The following CCDC73 variants were observed in gnomAD, a reference collection of about 807,000 sequenced individuals.
The protein encoded by CCDC73 is coiled-coil domain containing 73, also known as coiled-coil domain-containing protein 73.
A neutral mutation model predicts 116.5 loss-of-function variants in CCDC73; 95 were observed. That is an observed-to-expected ratio of 0.82 (90% CI 0.69 to 0.97). CCDC73 has a LOEUF of 0.97. Ranked by LOEUF, CCDC73 falls within the 50% of genes least tolerant of loss-of-function variation. The pLI, the probability that CCDC73 is intolerant of heterozygous loss-of-function variation, is 0.00. For missense variants in CCDC73, 1,066 were observed against 1,206.8 expected (o/e 0.88, Z 1.73); for synonymous variants, 398 against 401.3 (o/e 0.99, Z 0.10).
chr11:32,724,159 GTTATTTACCACATA>G (rs1408917687), intron 2 of CCDC73, among the ~76,000 whole-genome samples: 5 of 151,924 alleles, frequency 3.3e-5, no homozygotes, highest in Admixed American at 2.0e-4. Context: ...GCTGCTTAAT[GTTATTTACCACATA>G]TTATACCATT....
At chr11:32,650,648 G>T (rs945052909) in intron 12 of CCDC73, among the ~76,000 whole-genome samples, 9 of 152,094 alleles carry the variant, frequency 5.9e-5, no homozygotes, top group African/African-American at 2.2e-4. Flanking sequence ...TAGGTGAAGG[G>T]ATTAAAAGAA....
Position 32,653,960 on chromosome 11 carries a change from T to G in CCDC73, c.834+18A>C, listed in dbSNP as rs761000914. 3 of 1,590,122 alleles carry G rather than the reference T, an allele frequency of 1.9e-6. No homozygotes were observed. Among genetic ancestry groups the G allele is most frequent in the East Asian group, 4.5e-5 (2 of 44,602 alleles). On this transcript the variant is annotated intron_variant, in intron 11 of 17. Coordinates refer to ENST00000335185, the MANE Select transcript of CCDC73 (RefSeq NM_001008391.4). Reference sequence around the variant, plus strand: ...TTTAGAATATTTACTGGCTTCCAAATAGCTTATGATTGCTTACCTGTTTTT... The same window carrying G: ...TTTAGAATATTTACTGGCTTCCAAAGAGCTTATGATTGCTTACCTGTTTTT...
chr11:32,698,011 ATTTTTTTTTTTTTT>A (rs869153507), intron 6 of CCDC73, among the ~76,000 whole-genome samples: 1 of 18,864 alleles, frequency 5.3e-5, no homozygotes, highest in Non-Finnish European at 1.1e-4. Flanking sequence ...CTAACACTGA[ATTTTTTTTTTTTTT>A]TTTTTTTTTT....
chr11:32,696,299 T>C (rs1206373780), intron 6 of CCDC73, among the ~76,000 whole-genome samples: 1 of 152,228 alleles, frequency 6.6e-6, no homozygotes, highest in Non-Finnish European at 1.5e-5. Flanking sequence ...ATAGGTATCA[T>C]TTAATGCATG....
the CCDC73 span, chr11:32,829,787 G>T: frequency 3.0e-6 from 3 of 985,226 alleles, no homozygotes; most frequent in South Asian, 1.4e-4. Context: ...CGGGGATGGG[G>T]CAGAAGCTGG....
chr11:32,646,008 T>C (rs893706733), intron 12 of CCDC73, among the ~76,000 whole-genome samples: 3 of 152,220 alleles, frequency 2.0e-5, no homozygotes, highest in Non-Finnish European at 4.4e-5. Flanking sequence ...TAACATACTG[T>C]ATTTTAGAAG....
At chr11:32,603,207 A>G in intron 17 of CCDC73, 187 bp from the exon 18 acceptor site, 1 of 501,930 alleles carries the variant, frequency 2.0e-6, no homozygotes, top group East Asian at 3.1e-5. Flanking sequence ...GTAGATCTTC[A>G]AAATCTCTAA....
chr11:32,772,141 T>G (rs747327963), intron 1 of CCDC73, among the ~76,000 whole-genome samples: 29 of 152,292 alleles, frequency 1.9e-4, no homozygotes, highest in Middle Eastern at 3.4e-3. Flanking sequence ...TTTTAAACCA[T>G]TAAGTTGGAG....
chr11:32,640,520 A>G (rs1855723001), intron 13 of CCDC73, among the ~76,000 whole-genome samples: 1 of 152,182 alleles, frequency 6.6e-6, no homozygotes, highest in Non-Finnish European at 1.5e-5. Flanking sequence ...GATGAAAAGA[A>G]GGTACATGGA....
At chr11:32,792,922 G>A (rs142364199) in intron 1 of CCDC73, among the ~76,000 whole-genome samples, 1 of 152,274 alleles carries the variant, frequency 6.6e-6, no homozygotes. Flanking sequence ...GATTAAATGA[G>A]ATAACTTCCA....
At chr11:32,654,740 T>C (rs1855855662) in intron 10 of CCDC73, 104 bp downstream of exon 10, 3 of 844,642 alleles carry the variant, frequency 3.6e-6, no homozygotes, top group Non-Finnish European at 5.2e-6. Flanking sequence ...TAACTATGCA[T>C]ATTGACTTTG....
At chr11:32,724,459 G>A (rs1175455149) in intron 2 of CCDC73, among the ~76,000 whole-genome samples, 2 of 152,086 alleles carry the variant, frequency 1.3e-5, no homozygotes, top group Non-Finnish European at 2.9e-5. Flanking sequence ...TTTATAAAAG[G>A]TTATCGAATT....
At chr11:32,684,058 G>GTTTT (rs1373486312) in intron 6 of CCDC73, among the ~76,000 whole-genome samples, 1 of 151,962 alleles carries the variant, frequency 6.6e-6, no homozygotes, top group Non-Finnish European at 1.5e-5. Context: ...TTGTTTGTTT[G>GTTTT]TTTGTTTTTA....
chr11:32,805,782 A>AT, the CCDC73 span, among the ~76,000 whole-genome samples: 8 of 152,144 alleles, frequency 5.3e-5, no homozygotes, highest in Non-Finnish European at 1.2e-4. Flanking sequence ...CCACATCTTT[A>AT]TGCCTTTCCC....
chr11:32,789,410 A>G (rs1403228327), intron 1 of CCDC73, among the ~76,000 whole-genome samples: 1 of 152,200 alleles, frequency 6.6e-6, no homozygotes, highest in Non-Finnish European at 1.5e-5. Flanking sequence ...AGAAAAATGT[A>G]TTCGTTCATT....
At chr11:32,758,368 A>T in intron 2 of CCDC73, 2 of 507,964 alleles carry the variant, frequency 3.9e-6, no homozygotes, top group Middle Eastern at 6.7e-4. Flanking sequence ...GTTTACCTTT[A>T]TACCAAGAAG....
intron 1 of CCDC73, among the ~76,000 whole-genome samples, chr11:32,787,469 T>A (rs1003278086): frequency 1.3e-5 from 2 of 152,138 alleles, no homozygotes; most frequent in African/African-American, 4.8e-5. Flanking sequence ...CTATAAAAAA[T>A]TTTCGATTTT....
At chr11:32,702,516 A>C (rs1159626748) in intron 4 of CCDC73, among the ~76,000 whole-genome samples, 1 of 152,174 alleles carries the variant, frequency 6.6e-6, no homozygotes, top group East Asian at 1.9e-4. Flanking sequence ...ACTTGGGTAA[A>C]GCGGTACTAT....
At chr11:32,780,501 T>C (rs968207846) in intron 1 of CCDC73, among the ~76,000 whole-genome samples, 3 of 152,044 alleles carry the variant, frequency 2.0e-5, no homozygotes, top group African/African-American at 7.2e-5. Flanking sequence ...TCTAAGAATC[T>C]ATTCAAAAGA....
Sources: allele counts gnomAD v4.1 joint callset (sites outside exome capture counted in the v4.1 genomes callset), GRCh38; gene constraint gnomAD v4.1.1; transcripts MANE v1.5; gene names NCBI Gene and HGNC (gene_info 2026-07-23, HGNC 2026-07-21).